The following FRMD5 variants were observed in gnomAD, a reference collection of about 807,000 sequenced individuals.
The protein encoded by FRMD5 is FERM domain containing 5.
A neutral mutation model predicts 69.0 loss-of-function variants in FRMD5; 20 were observed. The ratio of observed to expected loss-of-function variants is 0.29; its 90% CI spans 0.20 to 0.42. FRMD5 has a LOEUF of 0.42. Ranked by LOEUF, FRMD5 falls within the 10% of genes least tolerant of loss-of-function variation. The pLI, the probability that FRMD5 is intolerant of heterozygous loss-of-function variation, is 1.00. For synonymous variants in FRMD5, 271 were observed against 260.1 expected (o/e 1.04, Z -0.40); for missense variants, 595 against 708.6 (o/e 0.84, Z 1.82).
chr15:44,071,952 GC>G lies in FRMD5; in HGVS notation c.102+123000del, dbSNP rs556968851. On this transcript the variant is annotated intron_variant, in intron 1 of 13. Coordinates refer to ENST00000417257, the MANE Select transcript of FRMD5 (RefSeq NM_032892.5). ...GCAATCTCGGCTCACTGCAACCTCT[GC>G]CTCCTGGGTCCAAGTGATTCTCCTG... Among the ~76,000 whole-genome samples, 19 of 152,236 alleles carry G rather than the reference GC, an allele frequency of 1.2e-4. No individual in the cohort carries two copies. The East Asian group carries it at 3.7e-3, about 29-fold the overall frequency.
chr15:44,131,385 G>A (rs1475490361), intron 1 of FRMD5, among the ~76,000 whole-genome samples: 7 of 58,396 alleles, frequency 1.2e-4, no homozygotes, highest in East Asian at 5.7e-4. Flanking sequence ...AAAACAATAC[G>A]GCAATTCCTA....
intron 13 of FRMD5, 98 bp from the exon 14 acceptor site, chr15:43,874,560 C>T: frequency 1.2e-6 from 1 of 822,352 alleles, no homozygotes; most frequent in Admixed American, 2.0e-5. Flanking sequence ...TTCTGCACAC[C>T]CACATGACCA....
At chr15:43,906,027 A>G in intron 5 of FRMD5, 76 bp from the exon 6 acceptor site, 1 of 1,583,896 alleles carries the variant, frequency 6.3e-7, no homozygotes, top group Non-Finnish European at 8.7e-7. Context: ...AGAGATTAGC[A>G]CACAGAGCAA....
At chr15:44,147,186 C>T (rs1376652971) in intron 1 of FRMD5, among the ~76,000 whole-genome samples, 2 of 151,964 alleles carry the variant, frequency 1.3e-5, no homozygotes, top group Non-Finnish European at 2.9e-5. Flanking sequence ...GGTCAGGGTC[C>T]GGTTTCGATT....
At chr15:43,969,297 G>T (rs1248748304) in intron 1 of FRMD5, among the ~76,000 whole-genome samples, 1 of 151,962 alleles carries the variant, frequency 6.6e-6, no homozygotes, top group Non-Finnish European at 1.5e-5. Context: ...GCCCAGCCTT[G>T]TCTCACACTC....
intron 1 of FRMD5, among the ~76,000 whole-genome samples, chr15:44,078,078 G>A (rs951759804): frequency 3.9e-5 from 6 of 152,006 alleles, no homozygotes; most frequent in Non-Finnish European, 5.9e-5. Flanking sequence ...GGGTGGGAGG[G>A]GAGTCAATCT....
upstream of FRMD5, among the ~76,000 whole-genome samples, chr15:44,196,353 A>G (rs957404149): frequency 1.3e-5 from 2 of 151,952 alleles, no homozygotes; most frequent in Non-Finnish European, 2.9e-5. Flanking sequence ...AATCCCAGCT[A>G]CTCGGGAGGC....
intron 1 of FRMD5, among the ~76,000 whole-genome samples, chr15:44,021,153 G>A (rs1022724754): frequency 3.9e-5 from 6 of 152,192 alleles, no homozygotes; most frequent in Middle Eastern, 3.4e-3. Flanking sequence ...AGGTGTGATG[G>A]TGTGCATCTG....
intron 1 of FRMD5, among the ~76,000 whole-genome samples, chr15:44,131,205 A>G (rs1026150477): frequency 1.3e-5 from 2 of 152,226 alleles, no homozygotes; most frequent in Admixed American, 6.5e-5. Flanking sequence ...AATATGCTCA[A>G]CATTACTAAT....
Position 44,112,707 on chromosome 15 carries a change from A to C in FRMD5, c.102+82246T>G, listed in dbSNP as rs997368398. Among the ~76,000 whole-genome samples, 3 of 151,976 alleles carry C rather than the reference A, an allele frequency of 2.0e-5. No homozygotes were observed. The East Asian group carries it at 5.8e-4, about 29-fold the overall frequency. On this transcript the variant is annotated intron_variant, in intron 1 of 13. Coordinates refer to ENST00000417257, the MANE Select transcript of FRMD5 (RefSeq NM_032892.5). ...GTCTCGATCTCATCGAGACCTCATG[A>C]TCCACCCACCTCGGCCTCCCAAAGT...
chr15:44,194,637 CG>C, intron 1 of FRMD5: 1 of 417,186 alleles, frequency 2.4e-6, no homozygotes, highest in South Asian at 2.4e-5. Context: ...CCGGGCGCCC[CG>C]GAAAGGTGCA....
upstream of FRMD5, chr15:44,195,325 G>A (rs895717186): frequency 2.0e-6 from 1 of 493,836 alleles, no homozygotes; most frequent in Non-Finnish European, 3.6e-6. Context: ...GGCCTCAACT[G>A]GAGGGGGCCA....
chr15:44,116,195 T>TAC (rs2076865428), intron 1 of FRMD5, among the ~76,000 whole-genome samples: 1 of 149,622 alleles, frequency 6.7e-6, no homozygotes, highest in Non-Finnish European at 1.5e-5. Context: ...ATATTTTATA[T>TAC]ACATATATAA....
intron 1 of FRMD5, among the ~76,000 whole-genome samples, chr15:44,054,222 G>A (rs1244441998): frequency 6.6e-6 from 1 of 152,196 alleles, no homozygotes; most frequent in Non-Finnish European, 1.5e-5. Flanking sequence ...TTGTTTTAAT[G>A]TTATTTCATT....
At chr15:44,122,778 C>A (rs1462668182) in intron 1 of FRMD5, among the ~76,000 whole-genome samples, 1 of 151,894 alleles carries the variant, frequency 6.6e-6, no homozygotes, top group Non-Finnish European at 1.5e-5. Context: ...GTGGCGGGCA[C>A]CTGTAGTCCC....
intron 4 of FRMD5, among the ~76,000 whole-genome samples, chr15:43,916,848 G>A (rs551414402): frequency 6.7e-6 from 1 of 149,558 alleles, no homozygotes; most frequent in Non-Finnish European, 1.5e-5. Flanking sequence ...GCGTGATCTT[G>A]GCTCACTGCA....
At chr15:43,892,361 C>A (rs1040164771) in intron 7 of FRMD5, among the ~76,000 whole-genome samples, 2 of 152,190 alleles carry the variant, frequency 1.3e-5, no homozygotes, top group African/African-American at 4.8e-5. Context: ...AATGGCAACA[C>A]CTCATGCATT....
At chr15:43,898,342 C>G (rs2088964395) in intron 7 of FRMD5, among the ~76,000 whole-genome samples, 2 of 152,162 alleles carry the variant, frequency 1.3e-5, no homozygotes, top group South Asian at 4.1e-4. Flanking sequence ...ACTTATCTCC[C>G]TCATATCCCT....
At chr15:43,912,863 CAAAAAAA>C (rs566290726) in intron 4 of FRMD5, among the ~76,000 whole-genome samples, 2 of 99,592 alleles carry the variant, frequency 2.0e-5, no homozygotes, top group Non-Finnish European at 4.8e-5. Context: ...ACTAAAAATA[CAAAAAAA>C]AAAAAAAAAA....
Sources: allele counts gnomAD v4.1 joint callset (sites outside exome capture counted in the v4.1 genomes callset), GRCh38; gene constraint gnomAD v4.1.1; transcripts MANE v1.5; gene names NCBI Gene and HGNC (gene_info 2026-07-23, HGNC 2026-07-21).